Variants in CALN1 observed in about 807,000 individuals in gnomAD.
CALN1 encodes the protein calcium-binding protein 8.
A neutral mutation model predicts 30.6 loss-of-function variants in CALN1; 17 were observed. The observed-to-expected ratio is 0.56, with a 90% CI of 0.38 to 0.83. The LOEUF is 0.83. Ranked by LOEUF, CALN1 falls within the 40% of genes least tolerant of loss-of-function variation. The probability of loss-of-function intolerance (pLI) is 0.00; values close to 1 mark genes in which losing one functional copy is unlikely to be tolerated. For missense variants in CALN1, 291 were observed against 354.9 expected (o/e 0.82, Z 1.45); for synonymous variants, 156 against 131.4 (o/e 1.19, Z -1.28).
chr7:72,355,647 A>G (rs1008918259), intron 2 of CALN1, among the ~76,000 whole-genome samples: 20 of 152,218 alleles, frequency 1.3e-4, no homozygotes, highest in Admixed American at 3.3e-4. Context: ...ATTTTTGGTA[A>G]AATGAATAGA....
At chr7:72,220,373 A>G (rs1585197276) in intron 3 of CALN1, among the ~76,000 whole-genome samples, 5 of 152,018 alleles carry the variant, frequency 3.3e-5, no homozygotes, top group Admixed American at 3.3e-4. Context: ...ACACGAACTC[A>G]TCATTTTTTT....
intron 3 of CALN1, among the ~76,000 whole-genome samples, chr7:72,176,915 C>T (rs1789398025): frequency 6.6e-6 from 1 of 152,128 alleles, no homozygotes; most frequent in African/African-American, 2.4e-5. Flanking sequence ...TTTAGGCTTG[C>T]TCCCTTCCAA....
intron 5 of CALN1, among the ~76,000 whole-genome samples, chr7:72,008,638 T>C (rs925963640): frequency 3.3e-5 from 5 of 151,028 alleles, no homozygotes; most frequent in Admixed American, 6.6e-5. Context: ...ATTCAAACCA[T>C]GGTATGAGAA....
At chr7:72,427,133 T>A (rs2129563877) in intron 1 of CALN1, among the ~76,000 whole-genome samples, 1 of 152,194 alleles carries the variant, frequency 6.6e-6, no homozygotes, top group African/African-American at 2.4e-5. Context: ...TAAGCACATA[T>A]CACCATGCCT....
chr7:72,234,834 C>T (rs559051130), intron 3 of CALN1, among the ~76,000 whole-genome samples: 1 of 152,240 alleles, frequency 6.6e-6, no homozygotes, highest in East Asian at 1.9e-4. Flanking sequence ...TGCTGGATCT[C>T]GGTAGATATC....
chr7:72,033,880 G>A (rs1801613774), intron 4 of CALN1, among the ~76,000 whole-genome samples: 1 of 152,152 alleles, frequency 6.6e-6, no homozygotes. Flanking sequence ...TGGGGAAAGG[G>A]TCTTAGTTAA....
rs1305416647 is a variant in CALN1 at position 71,946,421 on chromosome 7, G to A, written c.501+77236C>T. Among the ~76,000 whole-genome samples the A allele has an allele frequency of 2.1e-5, 3 of 145,024 alleles. No individual in the cohort carries two copies. The Admixed American group carries it at 2.1e-4, about 10-fold the overall frequency. On this transcript the variant is annotated intron_variant, in intron 5 of 6. Transcript: ENST00000395275. The stretch of plus-strand genomic sequence containing the variant: ...CTTGCTCTGTCACCCAGAGTGGAGT[G>A]CAGTGGTGCAATCATAGCTCACTGC...
At position 72,346,811 on chromosome 7, in the gene CALN1, G is replaced by A. The variant is rs114250490; in HGVS notation, c.119+56440C>T. ...ATTACAGGTGTGAGCTGCAGCGCCCGGCCAAAATTTGTTTATTTTTAACAC... is the reference window on the plus strand; with the variant it reads ...ATTACAGGTGTGAGCTGCAGCGCCCAGCCAAAATTTGTTTATTTTTAACAC... On this transcript the variant is annotated intron_variant, in intron 2 of 6. Transcript: ENST00000395275. 6.9e-3 allele frequency among the ~76,000 whole-genome samples: 1,057 copies of A among 152,100 alleles called. 14 individuals are homozygous for A. The highest frequency in any genetic ancestry group is 0.024 in the African/African-American group (1,006 of 41,500).
chr7:72,128,272 A>G (rs1354674316), intron 3 of CALN1, among the ~76,000 whole-genome samples: 2 of 152,236 alleles, frequency 1.3e-5, no homozygotes, highest in Non-Finnish European at 2.9e-5. Context: ...TAGAAAGATT[A>G]GAAATTGGTC....
intron 2 of CALN1, among the ~76,000 whole-genome samples, chr7:72,389,002 T>TCCTCTGTTCTGGAAACAC (rs1476677618): frequency 6.6e-6 from 1 of 152,192 alleles, no homozygotes; most frequent in Non-Finnish European, 1.5e-5. Context: ...GCCACGTCCA[T>TCCTCTGTTCTGGAAACAC]CCTCTGTTCT....
chr7:72,156,525 C>T lies in CALN1; in HGVS notation c.245-50231G>A, dbSNP rs931349875. Among the ~76,000 whole-genome samples, 12 of 152,326 alleles carry T rather than the reference C, an allele frequency of 7.9e-5. 1 individual carries two copies. The highest frequency in any genetic ancestry group is 5.2e-4 in the Admixed American group (8 of 15,296). Reference sequence around the variant, plus strand: ...CACACTGACTGGCCTGGAGGCAAGACTCCATCACTGCCTCTGTGCCTGGAA... The same window carrying T: ...CACACTGACTGGCCTGGAGGCAAGATTCCATCACTGCCTCTGTGCCTGGAA... On this transcript the variant is annotated intron_variant, in intron 3 of 6. Transcript: ENST00000395275.
chr7:72,269,560 A>G (rs1438496845), intron 3 of CALN1, among the ~76,000 whole-genome samples: 1 of 152,228 alleles, frequency 6.6e-6, no homozygotes, highest in East Asian at 1.9e-4. Flanking sequence ...AAACCTCATT[A>G]GTACTCCAGG....
chr7:72,458,993 C>T, the CALN1 span, among the ~76,000 whole-genome samples: 1 of 137,452 alleles, frequency 7.3e-6, no homozygotes, highest in Non-Finnish European at 1.6e-5. Flanking sequence ...TCACTGCAAC[C>T]TCCCGTTTCC....
intron 4 of CALN1, among the ~76,000 whole-genome samples, chr7:72,065,128 A>C (rs889059361): frequency 6.7e-6 from 1 of 148,162 alleles, no homozygotes; most frequent in African/African-American, 2.5e-5. Context: ...TATATGTAAA[A>C]TATATTTATA....
At chr7:71,879,717 G>A (rs1477268631) in intron 5 of CALN1, among the ~76,000 whole-genome samples, 1 of 152,126 alleles carries the variant, frequency 6.6e-6, no homozygotes, top group Non-Finnish European at 1.5e-5. Flanking sequence ...AGGGCAAGAG[G>A]GTAACCATGG....
At chr7:71,953,201 T>C (rs1796784405) in intron 5 of CALN1, among the ~76,000 whole-genome samples, 1 of 152,118 alleles carries the variant, frequency 6.6e-6, no homozygotes, top group Non-Finnish European at 1.5e-5. Flanking sequence ...CAAGCAAGCC[T>C]TCCACTTTGG....
intron 5 of CALN1, among the ~76,000 whole-genome samples, chr7:71,995,380 TAGAAA>T (rs1799203365): frequency 2.0e-5 from 3 of 152,368 alleles, no homozygotes; most frequent in Admixed American, 6.5e-5. Flanking sequence ...TGCTCTTTGT[TAGAAA>T]AGAAATTATT....
chr7:72,385,478 G>A (rs570145027), intron 2 of CALN1, among the ~76,000 whole-genome samples: 1 of 152,166 alleles, frequency 6.6e-6, no homozygotes, highest in East Asian at 1.9e-4. Flanking sequence ...AAAAAGAAAT[G>A]CCATATTGAT....
intron 4 of CALN1, among the ~76,000 whole-genome samples, chr7:72,030,852 T>A (rs1040766683): frequency 1.3e-5 from 2 of 151,902 alleles, no homozygotes; most frequent in Admixed American, 1.3e-4. Flanking sequence ...GCTGAAGGGA[T>A]CCTCCTGCCT....
Sources: gnomAD v4.1 joint callset for allele counts (sites outside exome capture counted in the v4.1 genomes callset) on GRCh38, gnomAD v4.1.1 for gene constraint, MANE v1.5 for transcripts, NCBI Gene and HGNC (gene_info 2026-07-23, HGNC 2026-07-21) for gene names.